The following LHFPL1 variants were observed in gnomAD, a reference collection of about 807,000 sequenced individuals.
The protein encoded by LHFPL1 is LHFPL tetraspan subfamily member 1 protein.
A neutral mutation model predicts 12.1 loss-of-function variants in LHFPL1; 4 were observed. That is an observed-to-expected ratio of 0.33 (90% CI 0.16 to 0.76). LHFPL1 has a LOEUF of 0.76. Ranked by LOEUF, LHFPL1 falls within the 30% of genes least tolerant of loss-of-function variation. LHFPL1 has a pLI of 0.61. For missense variants in LHFPL1, 141 were observed against 174.1 expected (o/e 0.81, Z 1.07); for synonymous variants, 52 against 61.9 (o/e 0.84, Z 0.75).
At chrX:112,676,595 GC>G (rs1931660932) in intron 1 of LHFPL1, among the ~76,000 whole-genome samples, 1 of 112,102 alleles carries the variant, frequency 8.9e-6, no homozygotes, top group African/African-American at 3.2e-5. Context: ...CCTTACTAAA[GC>G]CTAATGTTTG....
chrX:112,633,981 C>T (rs771424668), intron 3 of LHFPL1, among the ~76,000 whole-genome samples: 5 of 111,857 alleles, frequency 4.5e-5, no homozygotes, highest in African/African-American at 6.5e-5. Flanking sequence ...AACACACACA[C>T]TCCCTGGTTC....
chrX:112,645,865 G>T (rs1355932586), intron 3 of LHFPL1, among the ~76,000 whole-genome samples: 1 of 111,744 alleles, frequency 8.9e-6, no homozygotes, highest in Non-Finnish European at 1.9e-5. Flanking sequence ...GTTGCAAGGA[G>T]CCTTTACCTG....
At chrX:112,654,071 C>T (rs921861946) in intron 3 of LHFPL1, among the ~76,000 whole-genome samples, 6 of 111,795 alleles carry the variant, frequency 5.4e-5, no homozygotes, top group African/African-American at 1.9e-4. Flanking sequence ...GCATTTAATT[C>T]ATCAATGACT....
intron 3 of LHFPL1, among the ~76,000 whole-genome samples, chrX:112,657,909 CAAAA>C (rs57793060): frequency 1.6e-5 from 1 of 61,342 alleles, no homozygotes; most frequent in African/African-American, 4.6e-5. Context: ...AAAACAGAAG[CAAAA>C]AAAAAAAAAA....
intron 2 of LHFPL1, among the ~76,000 whole-genome samples, chrX:112,667,430 C>T (rs1391356004): frequency 8.9e-6 from 1 of 111,988 alleles, no homozygotes; most frequent in Non-Finnish European, 1.9e-5. Flanking sequence ...AGTTGGAAAG[C>T]TCACATTTTT....
At chrX:112,638,893 C>T (rs1930421124) in intron 3 of LHFPL1, among the ~76,000 whole-genome samples, 2 of 111,183 alleles carry the variant, frequency 1.8e-5, no homozygotes, top group African/African-American at 6.5e-5. Context: ...GGGGTGGTTG[C>T]TATTTGCTGA....
intron 2 of LHFPL1, among the ~76,000 whole-genome samples, chrX:112,664,371 T>A (rs1807468990): frequency 8.9e-6 from 1 of 112,211 alleles, no homozygotes; most frequent in African/African-American, 3.2e-5. Flanking sequence ...GTGTTCTCCA[T>A]GCTAATTTCT....
intron 3 of LHFPL1, among the ~76,000 whole-genome samples, chrX:112,637,957 G>T (rs1324021086): frequency 9.0e-6 from 1 of 111,717 alleles, no homozygotes; most frequent in Non-Finnish European, 1.9e-5. Context: ...GGTGTGGCAG[G>T]GGAGAGGCTC....
intron 3 of LHFPL1, among the ~76,000 whole-genome samples, chrX:112,652,560 T>A (rs1340083800): frequency 8.9e-6 from 1 of 112,096 alleles, no homozygotes; most frequent in Non-Finnish European, 1.9e-5. Flanking sequence ...AGATGTGTGA[T>A]AGAAAAGTAT....
intron 3 of LHFPL1, among the ~76,000 whole-genome samples, chrX:112,654,347 G>T (rs188372077): frequency 3.2e-3 from 350 of 111,001 alleles, no homozygotes; most frequent in Middle Eastern, 9.3e-3. Flanking sequence ...AAAAATCTAT[G>T]CCCTCACAGA....
At chrX:112,649,157 A>T (rs1221528469) in intron 3 of LHFPL1, among the ~76,000 whole-genome samples, 1 of 112,205 alleles carries the variant, frequency 8.9e-6, no homozygotes, top group Non-Finnish European at 1.9e-5. Flanking sequence ...ACATATGTAT[A>T]CATGTGCCAT....
chrX:112,633,488 T>G (rs1930250722), intron 3 of LHFPL1, among the ~76,000 whole-genome samples: 1 of 112,354 alleles, frequency 8.9e-6, no homozygotes, highest in Admixed American at 9.4e-5. Context: ...ATTTAATAAT[T>G]CCTCAGAACT....
At chrX:112,633,034 C>T (rs755389540) in intron 3 of LHFPL1, among the ~76,000 whole-genome samples, 8 of 112,184 alleles carry the variant, frequency 7.1e-5, no homozygotes, top group East Asian at 5.6e-4. Context: ...GTAGCCCTCC[C>T]GGAATGTATC....
rs1396271981 is a variant in LHFPL1, at chrX:112,666,739, T to C, written c.382+4270A>G. 2.7e-5 allele frequency among the ~76,000 whole-genome samples: 3 copies of C among 112,097 alleles called. No individual in the cohort carries two copies. In the East Asian group the frequency reaches 8.4e-4, roughly 31 times the overall value. ...TATATGAGCATGAGAGGTTGTGTAA[T>C]ACGCACTTTAGCAGGCACTGGTGCA... On this transcript the variant is annotated intron_variant, in intron 2 of 3. Coordinates refer to ENST00000371968, the MANE Select transcript of LHFPL1 (RefSeq NM_178175.4).
chrX:112,648,008 G>A (rs898390764), intron 3 of LHFPL1, among the ~76,000 whole-genome samples: 4 of 111,544 alleles, frequency 3.6e-5, no homozygotes, highest in African/African-American at 1.3e-4. Context: ...AAAAGGATGA[G>A]TTCATGTCCT....
intron 2 of LHFPL1, among the ~76,000 whole-genome samples, chrX:112,668,047 T>A (rs896499852): frequency 9.0e-6 from 1 of 111,139 alleles, no homozygotes; most frequent in Non-Finnish European, 1.9e-5. Flanking sequence ...AAAAATTGAC[T>A]ACTCCCCCAA....
intron 1 of LHFPL1, among the ~76,000 whole-genome samples, chrX:112,672,954 T>C (rs1931551652): frequency 9.0e-6 from 1 of 111,636 alleles, no homozygotes; most frequent in African/African-American, 3.3e-5. Context: ...CAGAGTAAGT[T>C]AGCAAGCAGC....
intron 3 of LHFPL1, among the ~76,000 whole-genome samples, chrX:112,640,813 C>CTGTGTG (rs10529066): frequency 1.0e-4 from 11 of 104,942 alleles, no homozygotes; most frequent in African/African-American, 2.1e-4. Flanking sequence ...TAGATTCCAT[C>CTGTGTG]TGTGTGTGTG....
intron 3 of LHFPL1, among the ~76,000 whole-genome samples, chrX:112,646,772 G>A (rs1930702015): frequency 9.0e-6 from 1 of 110,839 alleles, no homozygotes; most frequent in Non-Finnish European, 1.9e-5. Flanking sequence ...GAGACAGGAT[G>A]CATCACTAGG....
Sources: allele counts gnomAD v4.1 joint callset (sites outside exome capture counted in the v4.1 genomes callset), GRCh38; gene constraint gnomAD v4.1.1; transcripts MANE v1.5; gene names NCBI Gene and HGNC (gene_info 2026-07-23, HGNC 2026-07-21).